CFAP61: variants seen among roughly 807,000 people sequenced by gnomAD.
The protein encoded by CFAP61 is cilia- and flagella-associated protein 61.
CFAP61 carries 107 observed loss-of-function variants against 135.6 expected under a neutral mutation model. That is an observed-to-expected ratio of 0.79 (90% CI 0.67 to 0.93). The LOEUF is 0.93. Ranked by LOEUF, CFAP61 falls within the 40% of genes least tolerant of loss-of-function variation. The pLI is 0.00. For synonymous variants in CFAP61, 575 were observed against 578.5 expected, an observed-to-expected ratio of 0.99 and a Z score of 0.09; for missense variants, 1,507 against 1,556.2, an observed-to-expected ratio of 0.97 and a Z score of 0.53.
At chr20:20,089,534 T>C (rs1366212847) in intron 6 of CFAP61, among the ~76,000 whole-genome samples, 1 of 144,544 alleles carries the variant, frequency 6.9e-6, no homozygotes, top group Non-Finnish European at 1.5e-5. Flanking sequence ...AAAGCAGATA[T>C]ACTAGAAAAA....
chr20:20,266,162 A>T (rs2052724364), intron 21 of CFAP61, among the ~76,000 whole-genome samples: 1 of 152,238 alleles, frequency 6.6e-6, no homozygotes, highest in African/African-American at 2.4e-5. Flanking sequence ...AGGGCATTCC[A>T]TATAGAAATA....
At chr20:20,154,933 T>G (rs922796666) in intron 9 of CFAP61, among the ~76,000 whole-genome samples, 21 of 151,840 alleles carry the variant, frequency 1.4e-4, no homozygotes, top group Admixed American at 1.2e-3. Flanking sequence ...ATCCAAAAAT[T>G]CATATGGAGC....
At chr20:20,078,639 C>T (rs2046222645) in intron 6 of CFAP61, among the ~76,000 whole-genome samples, 1 of 151,884 alleles carries the variant, frequency 6.6e-6, no homozygotes, top group Non-Finnish European at 1.5e-5. Flanking sequence ...GGGGAGATTG[C>T]ACAGTGAAAA....
chr20:20,185,426 T>A (rs1303289960), intron 13 of CFAP61, among the ~76,000 whole-genome samples: 1 of 152,082 alleles, frequency 6.6e-6, no homozygotes, highest in Admixed American at 6.5e-5. Context: ...TCTTGAGAAG[T>A]CGTTCCATTC....
Position 20,298,381 on chromosome 20 carries a change from C to A in CFAP61, c.3417C>A (p.Leu1139=). The A allele has an allele frequency of 1.9e-6, 3 of 1,613,274 alleles. No homozygotes were observed. The highest frequency in any genetic ancestry group is 2.5e-6 in the Non-Finnish European group (3 of 1,179,354). Residue 1139 remains leucine (L), a synonymous_variant, in exon 25 of 27, where the codon CTC becomes CTA. Coordinates refer to ENST00000245957, the MANE Select transcript of CFAP61 (RefSeq NM_015585.4). ...ACGATGAAAACCTGATCACAGATCT[C>A]TATAGGTGAGTTGGACATTGCATTT... ...ARYDENLITD[L]YSYFTEPWCL... is the part of the protein sequence containing the mutation.
At chr20:20,055,657 T>G (rs535445714) in intron 1 of CFAP61, among the ~76,000 whole-genome samples, 1 of 152,366 alleles carries the variant, frequency 6.6e-6, no homozygotes, top group East Asian at 1.9e-4. Flanking sequence ...TATTCAGAAT[T>G]TTTATATACT....
At chr20:20,173,066 C>T (rs1011722302) in intron 13 of CFAP61, among the ~76,000 whole-genome samples, 13 of 151,640 alleles carry the variant, frequency 8.6e-5, no homozygotes, top group East Asian at 3.9e-4. Flanking sequence ...TTTTTTTTCA[C>T]GGATTAGTAT....
At chr20:20,189,507 C>A (rs7268278) in intron 14 of CFAP61, among the ~76,000 whole-genome samples, 1 of 149,004 alleles carries the variant, frequency 6.7e-6, no homozygotes, top group Non-Finnish European at 1.5e-5. Context: ...GTACTTATGG[C>A]ATTGGGTGAA....
chr20:20,269,144 T>TAC lies in CFAP61; in HGVS notation c.2503+6015_2503+6016insCA, dbSNP rs1447270120. On this transcript the variant is annotated intron_variant, in intron 21 of 26. Coordinates refer to ENST00000245957, the MANE Select transcript of CFAP61 (RefSeq NM_015585.4). ...ATATATATATATATATATATATATA[T>TAC]ATACACACACACACACACACATACA... Among the ~76,000 whole-genome samples, 184 of 85,054 alleles carry TAC rather than the reference T, an allele frequency of 2.2e-3. 2 individuals are homozygous for TAC. Among genetic ancestry groups the TAC allele is most frequent in the South Asian group, 0.012 (30 of 2,406 alleles). The allele number at this position is 85,054 out of a possible 152,430, so 55.8% of individuals were successfully genotyped here.
intron 25 of CFAP61, among the ~76,000 whole-genome samples, chr20:20,310,851 G>A (rs982276843): frequency 3.3e-5 from 5 of 152,214 alleles, no homozygotes; most frequent in African/African-American, 1.2e-4. Flanking sequence ...GCCAGCAAAA[G>A]CAAGAAATGC....
At chr20:20,190,258 T>C (rs1162170951) in intron 14 of CFAP61, among the ~76,000 whole-genome samples, 1 of 152,214 alleles carries the variant, frequency 6.6e-6, no homozygotes, top group African/African-American at 2.4e-5. Context: ...CATCATGTCA[T>C]GGAATACTAC....
intron 3 of CFAP61, among the ~76,000 whole-genome samples, chr20:20,072,037 G>A (rs1016127482): frequency 2.1e-5 from 3 of 144,426 alleles, no homozygotes; most frequent in African/African-American, 7.7e-5. Context: ...AACCTCAAAG[G>A]TTATGGTTTA....
chr20:20,134,993 G>GT (rs943530513), intron 8 of CFAP61, among the ~76,000 whole-genome samples: 1 of 150,478 alleles, frequency 6.6e-6, no homozygotes, highest in African/African-American at 2.4e-5. Flanking sequence ...AAAGGTCTTT[G>GT]TAGTTGTGAT....
At chr20:20,212,260 C>T (rs991338326) in intron 17 of CFAP61, among the ~76,000 whole-genome samples, 5 of 152,264 alleles carry the variant, frequency 3.3e-5, no homozygotes, top group African/African-American at 1.2e-4. Context: ...CCCCTGAGGA[C>T]TCAGATGCTT....
intron 7 of CFAP61, among the ~76,000 whole-genome samples, chr20:20,093,497 T>G (rs1243631752): frequency 6.6e-6 from 1 of 150,662 alleles, no homozygotes; most frequent in African/African-American, 2.4e-5. Flanking sequence ...TGCAGTGATG[T>G]GATCTTGGCT....
chr20:20,083,115 G>T (rs1406081148), intron 6 of CFAP61, among the ~76,000 whole-genome samples: 3 of 152,168 alleles, frequency 2.0e-5, no homozygotes, highest in African/African-American at 7.2e-5. Context: ...CCAATGAGTG[G>T]TTAAAGGAAA....
chr20:20,319,265 G>A (rs1267035712), intron 25 of CFAP61, among the ~76,000 whole-genome samples: 1 of 152,238 alleles, frequency 6.6e-6, no homozygotes, highest in African/African-American at 2.4e-5. Flanking sequence ...TCAAACTGGT[G>A]TCAGATTTTT....
chr20:20,309,488 G>A (rs754009640), intron 25 of CFAP61, among the ~76,000 whole-genome samples: 7 of 152,250 alleles, frequency 4.6e-5, no homozygotes, highest in Non-Finnish European at 8.8e-5. Context: ...CACCTGTCTC[G>A]TACAGGTGAG....
chr20:20,127,044 G>A (rs2050121098), intron 8 of CFAP61, among the ~76,000 whole-genome samples: 1 of 151,478 alleles, frequency 6.6e-6, no homozygotes. Flanking sequence ...ATTTCTATAA[G>A]TGTGTCCAAT....
Sources: allele counts gnomAD v4.1 joint callset (sites outside exome capture counted in the v4.1 genomes callset), GRCh38; gene constraint gnomAD v4.1.1; transcripts MANE v1.5; gene names NCBI Gene and HGNC (gene_info 2026-07-23, HGNC 2026-07-21).